The following ATP6V1C1 variants were observed in gnomAD, a reference collection of about 807,000 sequenced individuals.
The protein encoded by ATP6V1C1 is V-type proton ATPase subunit C 1.
ATP6V1C1 carries 45 observed loss-of-function variants against 53.9 expected under a neutral mutation model. The ratio of observed to expected loss-of-function variants is 0.83; its 90% CI spans 0.66 to 1.07. The LOEUF is 1.07. ATP6V1C1 is among the 50% of genes least tolerant of loss of function. The pLI, the probability that ATP6V1C1 is intolerant of heterozygous loss-of-function variation, is 0.00. For missense variants in ATP6V1C1, 315 were observed against 440.3 expected (o/e 0.72, Z 2.55); for synonymous variants, 153 against 155.2 (o/e 0.99, Z 0.11).
rs1817595944 is a variant in ATP6V1C1, at chr8:103,072,000, A to AT, written c.*3254dup. 1 of 152,248 alleles carries AT rather than the reference A, an allele frequency of 6.6e-6. No homozygotes were observed. The highest frequency in any genetic ancestry group is 6.5e-5 in the Admixed American group (1 of 15,286). The allele number at this position is 152,248 out of a possible 1,614,324, so 9.4% of individuals were successfully genotyped here. Reference sequence around the variant, plus strand: ...TTAGATAATGTGTCTAGTTGTTTGCATGCCAATTTCAGTAGCCTCAGTTAT... The same window carrying AT: ...TTAGATAATGTGTCTAGTTGTTTGCATTGCCAATTTCAGTAGCCTCAGTTAT... On this transcript the variant is annotated 3_prime_UTR_variant, in exon 13 of 13. Transcript: ENST00000518738.
rs1324166922 is a variant in ATP6V1C1, at chr8:103,040,940, C to T, written c.104C>T (p.Thr35Ile). ...TCAAAGAACAATAATCTTGCTGTCA[C>T]TTCCAAGTTCAATATTCCTGACTTA... ...ATSKNNNLAV[T>I]SKFNIPDLKV... The change falls in exon 2 of 13, where the codon ACT becomes ATT. Residue 35 changes from threonine (T) to isoleucine (I), a missense_variant. Transcript: ENST00000518738. 6.2e-7 allele frequency: 1 copy of T among 1,614,062 alleles called. No homozygotes were observed. Among genetic ancestry groups the T allele is most frequent in the Admixed American group, 1.7e-5 (1 of 60,018 alleles).
chr8:103,066,663 A>T (rs1817496589), intron 12 of ATP6V1C1, among the ~76,000 whole-genome samples: 1 of 152,196 alleles, frequency 6.6e-6, no homozygotes. Context: ...CATTTCTACA[A>T]GCTAGTAATT....
intron 3 of ATP6V1C1, among the ~76,000 whole-genome samples, chr8:103,045,801 T>C (rs1279717885): frequency 1.3e-5 from 2 of 151,782 alleles, no homozygotes; most frequent in Non-Finnish European, 2.9e-5. Flanking sequence ...ATTATCCAGG[T>C]GTGGTGGCGG....
intron 7 of ATP6V1C1, among the ~76,000 whole-genome samples, chr8:103,054,503 G>A (rs1817254219): frequency 6.6e-6 from 1 of 152,040 alleles, no homozygotes; most frequent in South Asian, 2.1e-4. Flanking sequence ...AGCTGAAGTA[G>A]CCATAGATGA....
At chr8:103,047,430 G>GCGCACACACACACACA (rs1491170438) in intron 3 of ATP6V1C1, among the ~76,000 whole-genome samples, 28 of 104,940 alleles carry the variant, frequency 2.7e-4, no homozygotes, top group African/African-American at 8.6e-4. Context: ...AAATGCGCGC[G>GCGCACACACACACACA]CACACACACA....
At position 103,027,431 on chromosome 8, in the gene ATP6V1C1, C is replaced by G. The variant is rs189486930; in HGVS notation, c.-40+6206C>G. 8.5e-4 allele frequency among the ~76,000 whole-genome samples: 130 copies of G among 152,264 alleles called. 1 individual carries two copies. The highest frequency in any genetic ancestry group is 1.5e-3 in the Non-Finnish European group (99 of 68,020). ...GTGGTTGCCCCTATCTTGGGTCAATCCCATACCTTCCATTCACAGAAGCAG... is the reference window on the plus strand; with the variant it reads ...GTGGTTGCCCCTATCTTGGGTCAATGCCATACCTTCCATTCACAGAAGCAG... On this transcript the variant is annotated intron_variant, in intron 1 of 12. Transcript: ENST00000518738.
At chr8:103,047,956 A>G (rs763186449) in intron 3 of ATP6V1C1, among the ~76,000 whole-genome samples, 5 of 152,074 alleles carry the variant, frequency 3.3e-5, no homozygotes, top group Non-Finnish European at 5.9e-5. Context: ...TTAGTAATTT[A>G]TATATTTTTG....
In ATP6V1C1 at chr8:103,046,036, A is replaced by T. The variant is rs953904917; in HGVS notation, c.201-2834A>T. Among the ~76,000 whole-genome samples the T allele has an allele frequency of 3.9e-5, 6 of 151,930 alleles. 1 individual carries two copies. Among genetic ancestry groups the T allele is most frequent in the African/African-American group, 1.5e-4 (6 of 41,326 alleles). ...CCTGAGGTCTCATCTACCTCATTAC[A>T]GTTACAAGTTATGACAACCAAAGAG... On this transcript the variant is annotated intron_variant, in intron 3 of 12. Coordinates refer to ENST00000518738, the MANE Select transcript of ATP6V1C1 (RefSeq NM_001695.5).
chr8:103,037,325 T>A (rs1485143600), intron 1 of ATP6V1C1, among the ~76,000 whole-genome samples: 1 of 152,112 alleles, frequency 6.6e-6, no homozygotes, highest in Non-Finnish European at 1.5e-5. Flanking sequence ...AATACTTTTT[T>A]AAATTTATTT....
chr8:103,063,920 A>G (rs993325689), intron 10 of ATP6V1C1, among the ~76,000 whole-genome samples: 2 of 152,218 alleles, frequency 1.3e-5, no homozygotes, highest in Non-Finnish European at 2.9e-5. Flanking sequence ...ATATCATCTC[A>G]ACTAGGAGGA....
At chr8:103,067,617 T>TC (rs1554601673) in intron 12 of ATP6V1C1, among the ~76,000 whole-genome samples, 205 of 144,462 alleles carry the variant, frequency 1.4e-3, no homozygotes, top group African/African-American at 3.9e-3. Context: ...TTTTTTTTTT[T>TC]CGAGATGGAG....
intron 1 of ATP6V1C1, among the ~76,000 whole-genome samples, chr8:103,031,412 A>G (rs896481296): frequency 6.6e-6 from 1 of 152,158 alleles, no homozygotes; most frequent in Admixed American, 6.6e-5. Context: ...TCCGGATCTC[A>G]GCTTCTCATG....
intron 3 of ATP6V1C1, among the ~76,000 whole-genome samples, chr8:103,045,051 CT>C (rs1263303496): frequency 1.3e-5 from 2 of 152,112 alleles, no homozygotes; most frequent in African/African-American, 4.8e-5. Context: ...TCCTTCAACT[CT>C]GGGGATACAA....
At chr8:103,046,189 G>C (rs1323621763) in intron 3 of ATP6V1C1, among the ~76,000 whole-genome samples, 1 of 151,860 alleles carries the variant, frequency 6.6e-6, no homozygotes, top group Non-Finnish European at 1.5e-5. Flanking sequence ...ATAATTTAAA[G>C]TTTGCTCAGA....
At chr8:103,029,278 TCTCTTC>T (rs1816751677) in intron 1 of ATP6V1C1, among the ~76,000 whole-genome samples, 2 of 124,512 alleles carry the variant, frequency 1.6e-5, no homozygotes, top group South Asian at 2.5e-4. Flanking sequence ...TCTCTCTCTC[TCTCTTC>T]TTTTTTTTTT....
chr8:103,049,003 TAA>T (rs756063522), intron 4 of ATP6V1C1, 48 bp downstream of exon 4: 2 of 1,531,500 alleles, frequency 1.3e-6, no homozygotes, highest in Non-Finnish European at 1.8e-6. Context: ...ACAAAGCAAA[TAA>T]CTAAGCTACA....
intron 3 of ATP6V1C1, among the ~76,000 whole-genome samples, chr8:103,046,688 T>C (rs1368038731): frequency 1.3e-5 from 2 of 152,224 alleles, no homozygotes; most frequent in East Asian, 3.8e-4. Flanking sequence ...ATCATGTCGT[T>C]GTTAGACTTT....
chr8:103,033,424 C>T (rs1333901974), intron 1 of ATP6V1C1, among the ~76,000 whole-genome samples: 9 of 152,126 alleles, frequency 5.9e-5, no homozygotes, highest in Non-Finnish European at 8.8e-5. Context: ...CTCATTTAAT[C>T]CTCACAGTAA....
At chr8:103,051,603 C>T (rs997477560) in intron 5 of ATP6V1C1, among the ~76,000 whole-genome samples, 1 of 152,090 alleles carries the variant, frequency 6.6e-6, no homozygotes, top group African/African-American at 2.4e-5. Context: ...TGGAAAAATT[C>T]CCGTATTCGT....
Sources: gnomAD v4.1 joint callset for allele counts (sites outside exome capture counted in the v4.1 genomes callset) on GRCh38, gnomAD v4.1.1 for gene constraint, MANE v1.5 for transcripts, NCBI Gene and HGNC (gene_info 2026-07-23, HGNC 2026-07-21) for gene names.